Variants in HNRNPK observed in about 807,000 individuals in gnomAD.
HNRNPK encodes the protein dC-stretch binding protein.
HNRNPK carries 7 observed loss-of-function variants against 67.0 expected under a neutral mutation model. The ratio of observed to expected loss-of-function variants is 0.10; its 90% CI spans 0.06 to 0.20. The LOEUF (loss-of-function observed/expected upper bound fraction) is 0.20. Among genes scored for constraint, HNRNPK ranks in the 10% least tolerant of loss-of-function variants. The probability of loss-of-function intolerance (pLI) is 1.00; values close to 1 mark genes in which losing one functional copy is unlikely to be tolerated. For missense variants in HNRNPK, 264 were observed against 606.5 expected (o/e 0.44, Z 5.93); for synonymous variants, 213 against 193.7 (o/e 1.10, Z -0.83).
intron 6 of HNRNPK, 109 bp from the exon 7 acceptor site, chr9:83,974,698 T>G (rs1956998895): frequency 1.5e-6 from 1 of 689,474 alleles, no homozygotes; most frequent in East Asian, 2.7e-5. Context: ...AACACATGAT[T>G]ATTTAATATT....
At chr9:83,977,850 T>G in intron 3 of HNRNPK, 64 bp from the exon 4 acceptor site, 1 of 991,634 alleles carries the variant, frequency 1.0e-6, no homozygotes, top group South Asian at 1.3e-5. Flanking sequence ...TCCATTCTGT[T>G]TCAAGAGACT....
rs1956679197 is a variant in HNRNPK, at chr9:83,968,489, T to C, written c.*918A>G. On this transcript the variant is annotated 3_prime_UTR_variant, in exon 17 of 17. Coordinates refer to ENST00000376263, the MANE Select transcript of HNRNPK (RefSeq NM_031263.4). The stretch of plus-strand genomic sequence containing the variant: ...AAATAATCAATTTTTTCAGCATTAG[T>C]CACTTCCATAACCAAGTGTTATTCT... 1 of 152,540 alleles carries C rather than the reference T, an allele frequency of 6.6e-6. No individual in the cohort carries two copies. Among genetic ancestry groups the C allele is most frequent in the Non-Finnish European group, 1.5e-5 (1 of 68,022 alleles). The allele number at this position is 152,540 out of a possible 1,614,324, so 9.4% of individuals were successfully genotyped here. A position where few individuals can be genotyped will look rare whatever the true frequency, so the allele number is the denominator to read the frequency against.
At chr9:83,971,156 A>G in intron 13 of HNRNPK, 117 bp downstream of exon 13, 1 of 852,532 alleles carries the variant, frequency 1.2e-6, no homozygotes, top group East Asian at 2.4e-5. Flanking sequence ...AGGAAACCAA[A>G]GTCCTCCTGT....
chr9:83,973,166 A>T, intron 9 of HNRNPK, 120 bp downstream of exon 9: 1 of 776,484 alleles, frequency 1.3e-6, no homozygotes, highest in Non-Finnish European at 2.2e-6. Flanking sequence ...ATTTTTTGTC[A>T]TTTGCGATAA....
At chr9:83,970,947 T>G in intron 13 of HNRNPK, 35 bp from the exon 14 acceptor site, 1 of 1,602,584 alleles carries the variant, frequency 6.2e-7, no homozygotes. Flanking sequence ...AAAATTACTT[T>G]GCCGTTGTAA....
intron 4 of HNRNPK, 98 bp from the exon 5 acceptor site, chr9:83,977,149 T>A (rs1024706802): frequency 1.2e-6 from 1 of 819,996 alleles, no homozygotes; most frequent in African/African-American, 1.7e-5. Context: ...CTAACCTGTT[T>A]GTTATAAGAA....
intron 12 of HNRNPK, 26 bp downstream of exon 12, chr9:83,971,646 C>A: frequency 6.3e-7 from 1 of 1,583,696 alleles, no homozygotes; most frequent in Non-Finnish European, 8.7e-7. Context: ...ATACCCAACA[C>A]ACTGGTAATA....
At chr9:83,973,451 A>G (rs776269524) in intron 8 of HNRNPK, 52 bp from the exon 9 acceptor site, 11 of 962,362 alleles carry the variant, frequency 1.1e-5, no homozygotes, top group Non-Finnish European at 1.9e-5. Context: ...ATTCCCCAAT[A>G]CACACTTATC....
At chr9:83,974,873 T>C (rs1365974138) in intron 6 of HNRNPK, among the ~76,000 whole-genome samples, 1 of 151,990 alleles carries the variant, frequency 6.6e-6, no homozygotes, top group Non-Finnish European at 1.5e-5. Flanking sequence ...TGAAGCAGAG[T>C]TGAATATTTA....
chr9:83,976,690 C>G, intron 5 of HNRNPK: 1 of 236,352 alleles, frequency 4.2e-6, no homozygotes, highest in Non-Finnish European at 8.1e-6. Flanking sequence ...ATGGTGCAAT[C>G]AAGGATTTTT....
Position 83,976,280 on chromosome 9 carries a change from T to C in HNRNPK, c.213+715A>G, listed in dbSNP as rs536387329. Reference sequence around the variant, plus strand: ...AATAAGTACTCGACACAAAGTTATTTGCCTCATTTTTAGCAAGAAAAACAT... The same window carrying C: ...AATAAGTACTCGACACAAAGTTATTCGCCTCATTTTTAGCAAGAAAAACAT... On this transcript the variant is annotated intron_variant, in intron 5 of 16. Transcript: ENST00000376263. 3.9e-5 allele frequency among the ~76,000 whole-genome samples: 6 copies of C among 152,330 alleles called. No homozygotes were observed. In the South Asian group the frequency reaches 6.2e-4, roughly 16 times the overall value.
chr9:83,973,403 TGGAG>T lies in HNRNPK; in HGVS notation c.403-8_403-5del. On this transcript the variant is annotated splice_region_variant and splice_polypyrimidine_tract_variant and intron_variant, in intron 8 of 16. Transcript: ENST00000376263. Reference sequence around the variant, plus strand: ...CACTTCCTTTATAGTGTTGGTACTGTGGAGGGAGAATTATAAAATTTTAGTCTCA... The same window carrying T: ...CACTTCCTTTATAGTGTTGGTACTGTGGAGAATTATAAAATTTTAGTCTCA... 1 of 1,521,788 alleles carries T rather than the reference TGGAG, an allele frequency of 6.6e-7. No individual in the cohort carries two copies. Among genetic ancestry groups the T allele is most frequent in the Non-Finnish European group, 9.1e-7 (1 of 1,096,864 alleles). 94.3% of individuals were successfully genotyped at this position (1,521,788 alleles called of 1,614,324 possible). A position where few individuals can be genotyped will look rare whatever the true frequency, so the allele number is the denominator to read the frequency against.
Position 83,974,498 on chromosome 9 carries a change from TAA to T in HNRNPK, c.330+17_330+18del. ...CCCCCCTCATATTGTCAAATACATT[TAA>T]AAAAAAATGAGCCTACCTCTTCCAA... On this transcript the variant is annotated intron_variant, in intron 7 of 16. Transcript: ENST00000376263. 1.6e-6 allele frequency: 2 copies of T among 1,262,330 alleles called. No individual in the cohort carries two copies. The highest frequency in any genetic ancestry group is 1.1e-6 in the Non-Finnish European group (1 of 878,678). 78.2% of individuals were successfully genotyped at this position (1,262,330 alleles called of 1,614,324 possible).
At chr9:83,974,367 C>T (rs1286356927) in intron 7 of HNRNPK, 150 bp downstream of exon 7, 3 of 448,752 alleles carry the variant, frequency 6.7e-6, no homozygotes, top group South Asian at 4.4e-5. Context: ...AAACAAATTA[C>T]GCATGTACAA....
At chr9:83,978,703 T>C (rs564295373) in intron 1 of HNRNPK, among the ~76,000 whole-genome samples, 82 of 152,250 alleles carry the variant, frequency 5.4e-4, no homozygotes, top group Non-Finnish European at 1.1e-3. Context: ...CAGCAATGAA[T>C]TGTTTTATAC....
intron 15 of HNRNPK, 54 bp downstream of exon 15, chr9:83,970,683 G>T: frequency 9.0e-7 from 1 of 1,107,928 alleles, no homozygotes; most frequent in Non-Finnish European, 1.4e-6. Context: ...ATACAGAAAG[G>T]AGGAATAATC....
chr9:83,977,082 T>A, intron 4 of HNRNPK, 31 bp from the exon 5 acceptor site: 1 of 1,557,270 alleles, frequency 6.4e-7, no homozygotes. Context: ...AAAAATTATT[T>A]TGCCTTTCCC....
chr9:83,977,480 C>T (rs1957123523), intron 4 of HNRNPK, among the ~76,000 whole-genome samples: 1 of 152,162 alleles, frequency 6.6e-6, no homozygotes, highest in Non-Finnish European at 1.5e-5. Flanking sequence ...CCTAGTTTGA[C>T]CTGTAGTGGC....
chr9:83,977,148 T>C (rs1439598659), intron 4 of HNRNPK, 97 bp from the exon 5 acceptor site: 4 of 828,902 alleles, frequency 4.8e-6, no homozygotes, highest in Admixed American at 4.6e-5. Context: ...TCTAACCTGT[T>C]TGTTATAAGA....
Sources: gnomAD v4.1 joint callset for allele counts (sites outside exome capture counted in the v4.1 genomes callset) on GRCh38, gnomAD v4.1.1 for gene constraint, MANE v1.5 for transcripts, NCBI Gene and HGNC (gene_info 2026-07-23, HGNC 2026-07-21) for gene names.